Variants in SNX30 observed in about 807,000 individuals in gnomAD.
The protein encoded by SNX30 is sorting nexin family member 30.
A neutral mutation model predicts 46.4 loss-of-function variants in SNX30; 24 were observed. The observed-to-expected ratio is 0.52, with a 90% CI of 0.37 to 0.73. The LOEUF (loss-of-function observed/expected upper bound fraction) is 0.73. Among genes scored for constraint, SNX30 ranks in the 30% least tolerant of loss-of-function variants. The probability of loss-of-function intolerance (pLI) is 0.00; values close to 1 mark genes in which losing one functional copy is unlikely to be tolerated. For synonymous variants in SNX30, 189 were observed against 211.5 expected (o/e 0.89, Z 0.92); for missense variants, 533 against 555.7 (o/e 0.96, Z 0.41).
chr9:112,830,964 C>A, intron 4 of SNX30, 81 bp downstream of exon 4: 1 of 1,391,240 alleles, frequency 7.2e-7, no homozygotes, highest in African/African-American at 1.4e-5. Flanking sequence ...GAGCAGGACT[C>A]GGTCTCTACA....
At chr9:112,819,564 G>T (rs1322663370) in intron 3 of SNX30, among the ~76,000 whole-genome samples, 1 of 151,990 alleles carries the variant, frequency 6.6e-6, no homozygotes, top group African/African-American at 2.4e-5. Context: ...ACCACGCCCG[G>T]CCCAAGTTCC....
intron 7 of SNX30, among the ~76,000 whole-genome samples, chr9:112,854,626 G>T (rs962124650): frequency 1.3e-5 from 2 of 152,176 alleles, no homozygotes; most frequent in East Asian, 3.9e-4. Context: ...TGTCCTGGTG[G>T]TGTGCCAGTG....
chr9:112,834,875 CA>C (rs1564285830), intron 4 of SNX30, among the ~76,000 whole-genome samples: 1,328 of 93,752 alleles, frequency 0.014, 9 homozygotes, highest in South Asian at 0.036. Context: ...CACACACACA[CA>C]CACACACCTA....
chr9:112,759,878 A>G (rs960563379), intron 1 of SNX30, among the ~76,000 whole-genome samples: 6 of 152,180 alleles, frequency 3.9e-5, no homozygotes, highest in African/African-American at 1.2e-4. Context: ...AGATGTGCCC[A>G]TGTCACTGGG....
At chr9:112,787,681 A>G (rs1039516700) in intron 1 of SNX30, among the ~76,000 whole-genome samples, 1 of 151,930 alleles carries the variant, frequency 6.6e-6, no homozygotes, top group Admixed American at 6.6e-5. Context: ...TGGCATTTGC[A>G]TGTGCACATG....
intron 7 of SNX30, among the ~76,000 whole-genome samples, chr9:112,860,638 G>A (rs1341636447): frequency 6.6e-6 from 1 of 152,172 alleles, no homozygotes; most frequent in African/African-American, 2.4e-5. Context: ...GATGCCCAGT[G>A]CAATCTCATG....
At chr9:112,751,727 G>C (rs1208612277) in intron 1 of SNX30, among the ~76,000 whole-genome samples, 1 of 152,146 alleles carries the variant, frequency 6.6e-6, no homozygotes, top group Non-Finnish European at 1.5e-5. Flanking sequence ...GCCTCGTTGT[G>C]GTTTTCTGTC....
chr9:112,789,756 G>C (rs945877485), intron 1 of SNX30, among the ~76,000 whole-genome samples: 3 of 152,152 alleles, frequency 2.0e-5, no homozygotes, highest in African/African-American at 7.2e-5. Flanking sequence ...ATGTGGACCT[G>C]GATTCTTTCA....
At chr9:112,795,288 T>A (rs1477507383) in intron 1 of SNX30, among the ~76,000 whole-genome samples, 4 of 152,216 alleles carry the variant, frequency 2.6e-5, no homozygotes, top group Non-Finnish European at 4.4e-5. Flanking sequence ...ATACCCATTT[T>A]ATAAATGAGG....
At chr9:112,795,546 A>G (rs967418239) in intron 1 of SNX30, among the ~76,000 whole-genome samples, 2 of 152,116 alleles carry the variant, frequency 1.3e-5, no homozygotes, top group African/African-American at 2.4e-5. Context: ...AGTATGTGGC[A>G]AGGTCTGATT....
At chr9:112,867,622 A>ACCTCCTCAGAACTCCTCCCG (rs926124863) in intron 8 of SNX30, among the ~76,000 whole-genome samples, 1 of 130,758 alleles carries the variant, frequency 7.6e-6, no homozygotes, top group Non-Finnish European at 1.6e-5. Flanking sequence ...AGCTCCTCCC[A>ACCTCCTCAGAACTCCTCCCG]CCTCCTCAGA....
chr9:112,808,965 G>T (rs1312446914), intron 2 of SNX30, among the ~76,000 whole-genome samples: 1 of 152,206 alleles, frequency 6.6e-6, no homozygotes, highest in Non-Finnish European at 1.5e-5. Flanking sequence ...GAGAGACAGA[G>T]ATGTTAAGAA....
chr9:112,880,068 T>C (rs1363505107), exon 5 of SNX30: 2 of 385,566 alleles, frequency 5.2e-6, no homozygotes, highest in Admixed American at 3.9e-5. Context: ...TGGTGGCTTA[T>C]GCCTGTAATC....
intron 7 of SNX30, among the ~76,000 whole-genome samples, chr9:112,860,751 A>C (rs150270114): frequency 3.3e-5 from 5 of 152,250 alleles, no homozygotes; most frequent in African/African-American, 1.2e-4. Context: ...AACATATAAT[A>C]ATATAGTTTG....
At chr9:112,856,769 G>T (rs1841136657) in intron 7 of SNX30, 1 of 152,114 alleles carries the variant, frequency 6.6e-6, no homozygotes, top group East Asian at 1.9e-4. Flanking sequence ...GGAGAGTGGG[G>T]CCTCGTGTCT....
intron 1 of SNX30, among the ~76,000 whole-genome samples, chr9:112,796,388 T>C (rs1840107512): frequency 6.6e-6 from 1 of 152,170 alleles, no homozygotes; most frequent in Non-Finnish European, 1.5e-5. Flanking sequence ...CCAGAGAAGA[T>C]GTTGTCCCCC....
intron 4 of SNX30, among the ~76,000 whole-genome samples, chr9:112,833,805 C>T (rs567309372): frequency 1.3e-5 from 2 of 152,090 alleles, no homozygotes; most frequent in Non-Finnish European, 2.9e-5. Context: ...CTTGTGAAGG[C>T]CTTGTGCCTT....
rs944045135 is a variant in SNX30 at position 112,832,362 on chromosome 9, A to G, written c.618+1479A>G. Among the ~76,000 whole-genome samples the G allele has an allele frequency of 3.3e-5, 5 of 151,832 alleles. No individual in the cohort carries two copies. In the South Asian group the frequency reaches 1.0e-3, roughly 32 times the overall value. ...TTAAGCACATTCATGTTTACTGAAC[A>G]AAAAAGAAAAGGGAGGGAAAAGCTT... On this transcript the variant is annotated intron_variant, in intron 4 of 8. Coordinates refer to ENST00000374232, the MANE Select transcript of SNX30 (RefSeq NM_001012994.2).
At chr9:112,781,782 C>T (rs1234576783) in intron 1 of SNX30, among the ~76,000 whole-genome samples, 1 of 151,896 alleles carries the variant, frequency 6.6e-6, no homozygotes, top group Non-Finnish European at 1.5e-5. Context: ...CAGGTGCCCA[C>T]CACCACGCTT....
Sources: gnomAD v4.1 joint callset for allele counts (sites outside exome capture counted in the v4.1 genomes callset) on GRCh38, gnomAD v4.1.1 for gene constraint, MANE v1.5 for transcripts, NCBI Gene and HGNC (gene_info 2026-07-23, HGNC 2026-07-21) for gene names.